UVRAG: variants seen among roughly 807,000 people sequenced by gnomAD.
UVRAG encodes the protein UV radiation resistance associated.
A neutral mutation model predicts 78.0 loss-of-function variants in UVRAG; 19 were observed. That is an observed-to-expected ratio of 0.24 (90% confidence interval 0.17 to 0.36). The LOEUF is 0.36. UVRAG is among the 10% of genes least tolerant of loss of function. The pLI is 1.00. For missense variants in UVRAG, 740 were observed against 853.8 expected (o/e 0.87, Z 1.66); for synonymous variants, 323 against 324.6 (o/e 1.00, Z 0.05).
At chr11:75,891,917 A>G (rs1266152002) in intron 5 of UVRAG, among the ~76,000 whole-genome samples, 2 of 152,136 alleles carry the variant, frequency 1.3e-5, no homozygotes, top group African/African-American at 2.4e-5. Flanking sequence ...GGGAGGGGAA[A>G]GAAAAAAAAA....
intron 2 of UVRAG, among the ~76,000 whole-genome samples, chr11:75,853,581 G>A (rs541412643): frequency 6.6e-6 from 1 of 151,972 alleles, no homozygotes; most frequent in South Asian, 2.1e-4. Flanking sequence ...GGCTGGTCTC[G>A]AACTCCTGAC....
chr11:76,071,697 GTGGTTTGGATCAGGA>G (rs1185147943), intron 13 of UVRAG, among the ~76,000 whole-genome samples: 1 of 152,140 alleles, frequency 6.6e-6, no homozygotes, highest in Admixed American at 6.6e-5. Flanking sequence ...AGGGGCAATG[GTGGTTTGGATCAGGA>G]TGGTAGGGGT....
At chr11:75,845,516 A>G (rs1370391067) in intron 1 of UVRAG, among the ~76,000 whole-genome samples, 2 of 152,234 alleles carry the variant, frequency 1.3e-5, no homozygotes, top group African/African-American at 4.8e-5. Flanking sequence ...GAATGAGATC[A>G]TGGCCTTTGC....
chr11:76,060,178 C>A (rs534910883), intron 12 of UVRAG, among the ~76,000 whole-genome samples: 6 of 151,538 alleles, frequency 4.0e-5, no homozygotes, highest in African/African-American at 1.5e-4. Flanking sequence ...TCATGTGTTG[C>A]GTCTCTGTAG....
At chr11:75,862,034 T>C (rs925169603) in intron 3 of UVRAG, among the ~76,000 whole-genome samples, 2 of 152,168 alleles carry the variant, frequency 1.3e-5, no homozygotes, top group Non-Finnish European at 2.9e-5. Context: ...TGTATACGTA[T>C]GTAACAAACT....
chr11:76,123,758 G>GTTGTTTTGTTTTGTT (rs141660604), intron 14 of UVRAG, among the ~76,000 whole-genome samples: 57 of 151,784 alleles, frequency 3.8e-4, no homozygotes, highest in African/African-American at 1.1e-3. Context: ...TTGAGTATCA[G>GTTGTTTTGTTTTGTT]TTGTTTTGTT....
chr11:76,065,648 C>CAAGT (rs1951171009), intron 12 of UVRAG, 62 bp from the exon 13 acceptor site: 1 of 1,502,548 alleles, frequency 6.7e-7, no homozygotes, highest in African/African-American at 1.4e-5. Flanking sequence ...CCTCTGTTGA[C>CAAGT]AACTTGGAGG....
chr11:75,853,675 G>A (rs1366527478), intron 2 of UVRAG, among the ~76,000 whole-genome samples: 13 of 151,584 alleles, frequency 8.6e-5, no homozygotes, highest in Admixed American at 8.5e-4. Context: ...GATGGGAAAA[G>A]GACTCTAAAT....
intron 13 of UVRAG, among the ~76,000 whole-genome samples, chr11:76,068,458 T>C (rs1951238362): frequency 6.6e-6 from 1 of 152,240 alleles, no homozygotes; most frequent in Non-Finnish European, 1.5e-5. Context: ...TTAACTACTC[T>C]GAATCCATAG....
chr11:76,138,412 T>C (rs1024943096), intron 14 of UVRAG, among the ~76,000 whole-genome samples: 2 of 152,130 alleles, frequency 1.3e-5, no homozygotes, highest in Non-Finnish European at 2.9e-5. Context: ...GGGAAAATGG[T>C]CGTTCCCTTC....
intron 7 of UVRAG, among the ~76,000 whole-genome samples, chr11:75,965,144 G>T (rs1948992132): frequency 6.6e-6 from 1 of 152,132 alleles, no homozygotes. Context: ...AAGGTCTGAT[G>T]GAATTTTGAT....
At chr11:76,041,066 G>GA (rs1235165718) in intron 12 of UVRAG, among the ~76,000 whole-genome samples, 1 of 151,532 alleles carries the variant, frequency 6.6e-6, no homozygotes, top group East Asian at 1.9e-4. Context: ...AGCAAAAAAA[G>GA]AAAAAAAATT....
chr11:76,131,000 G>A (rs114735100), intron 14 of UVRAG, among the ~76,000 whole-genome samples: 15 of 151,138 alleles, frequency 9.9e-5, no homozygotes, highest in African/African-American at 3.6e-4. Flanking sequence ...AGTATCAAGT[G>A]TTGTCCAGAT....
intron 3 of UVRAG, among the ~76,000 whole-genome samples, chr11:75,879,264 T>A (rs73491773): frequency 0.032 from 4,800 of 152,300 alleles, 259 homozygotes; most frequent in African/African-American, 0.11. Context: ...TATTGTGTGC[T>A]CCAGCAGTAG....
chr11:76,128,598 A>G, intron 14 of UVRAG, among the ~76,000 whole-genome samples: 1 of 152,026 alleles, frequency 6.6e-6, no homozygotes, highest in East Asian at 1.9e-4. Flanking sequence ...GGTGCCAGGC[A>G]TGGGAGGTAT....
intron 12 of UVRAG, among the ~76,000 whole-genome samples, chr11:76,024,881 C>T (rs1023098500): frequency 1.3e-5 from 2 of 152,110 alleles, no homozygotes; most frequent in Non-Finnish European, 2.9e-5. Context: ...ATCAGATCTT[C>T]ATGGGAGATG....
intron 6 of UVRAG, among the ~76,000 whole-genome samples, chr11:75,914,010 C>G (rs561566525): frequency 2.2e-4 from 33 of 152,312 alleles, no homozygotes; most frequent in African/African-American, 7.9e-4. Context: ...TCATGCCTAG[C>G]TAATAACACA....
At chr11:76,014,518 C>G (rs1187583649) in intron 11 of UVRAG, among the ~76,000 whole-genome samples, 1 of 152,194 alleles carries the variant, frequency 6.6e-6, no homozygotes, top group East Asian at 1.9e-4. Flanking sequence ...AGTCCTTTTA[C>G]TGACAGGAAT....
chr11:76,090,204 T>C (rs1234377431), intron 13 of UVRAG, among the ~76,000 whole-genome samples: 1 of 152,224 alleles, frequency 6.6e-6, no homozygotes, highest in Non-Finnish European at 1.5e-5. Flanking sequence ...CTACAGAGGC[T>C]GTGCACAGAG....
Sources: gnomAD v4.1 joint callset for allele counts (sites outside exome capture counted in the v4.1 genomes callset) on GRCh38, gnomAD v4.1.1 for gene constraint, MANE v1.5 for transcripts, NCBI Gene and HGNC (gene_info 2026-07-23, HGNC 2026-07-21) for gene names.